Variants in CCBE1 observed in about 807,000 individuals in gnomAD.
CCBE1 encodes collagen and calcium binding EGF domains 1.
Under a neutral mutation model 50.0 loss-of-function variants are expected in CCBE1, and 37 were observed. That is an observed-to-expected ratio of 0.74 (90% CI 0.57 to 0.97). The LOEUF (loss-of-function observed/expected upper bound fraction) is 0.97. Ranked by LOEUF, CCBE1 falls within the 50% of genes least tolerant of loss-of-function variation. The pLI is 0.00. For synonymous variants in CCBE1, 234 were observed against 203.7 expected (o/e 1.15, Z -1.27); for missense variants, 538 against 523.8 (o/e 1.03, Z -0.26).
At position 59,436,268 on chromosome 18, in the gene CCBE1, T is replaced by C. The variant is rs544810281; in HGVS notation, c.988-127A>G. 1.4e-4 allele frequency: 114 copies of C among 801,444 alleles called. No homozygotes were observed. The South Asian group carries it at 1.5e-3, about 11-fold the overall frequency. The allele number at this position is 801,444 out of a possible 1,614,324, so 49.6% of individuals were successfully genotyped here. A position where few individuals can be genotyped will look rare whatever the true frequency, so the allele number is the denominator to read the frequency against. On this transcript the variant is annotated intron_variant, in intron 10 of 10. Coordinates refer to ENST00000439986, the MANE Select transcript of CCBE1 (RefSeq NM_133459.4). Reference sequence around the variant, plus strand: ...AACTCTGTGCCCCAAATGGAGCCAATGTGAGGACTGCTACAGGAGCCTGGG... The same window carrying C: ...AACTCTGTGCCCCAAATGGAGCCAACGTGAGGACTGCTACAGGAGCCTGGG...
intron 7 of CCBE1, among the ~76,000 whole-genome samples, chr18:59,441,877 A>T (rs1211393661): frequency 6.6e-6 from 1 of 152,200 alleles, no homozygotes; most frequent in African/African-American, 2.4e-5. Context: ...CATCTAACAT[A>T]AGTGTAATTG....
At chr18:59,503,419 G>T (rs1258362090) in intron 2 of CCBE1, among the ~76,000 whole-genome samples, 2 of 152,180 alleles carry the variant, frequency 1.3e-5, no homozygotes, top group Admixed American at 6.5e-5. Flanking sequence ...AACATGGCCT[G>T]GTCACACAAC....
intron 10 of CCBE1, 57 bp from the exon 11 acceptor site, chr18:59,436,198 G>T: frequency 2.0e-6 from 3 of 1,491,786 alleles, no homozygotes; most frequent in Non-Finnish European, 2.8e-6. Flanking sequence ...GGCCTCCGGG[G>T]CTCCATGACT....
chr18:59,541,372 A>T (rs1049608397), intron 2 of CCBE1, among the ~76,000 whole-genome samples: 5 of 152,236 alleles, frequency 3.3e-5, no homozygotes, highest in African/African-American at 9.6e-5. Flanking sequence ...TACCAAACAT[A>T]GGCAAAAAAT....
At chr18:59,514,593 T>G (rs1914282748) in intron 2 of CCBE1, among the ~76,000 whole-genome samples, 1 of 149,986 alleles carries the variant, frequency 6.7e-6, no homozygotes, top group Admixed American at 6.7e-5. Flanking sequence ...CAGACTTCCT[T>G]TGGGGAATTT....
At chr18:59,458,182 ATCCATCTTCCCATCCAT>A (rs371639385) in intron 5 of CCBE1, among the ~76,000 whole-genome samples, 99 of 152,028 alleles carry the variant, frequency 6.5e-4, no homozygotes, top group African/African-American at 2.2e-3. Flanking sequence ...CCATCCTTCC[ATCCATCTTCCCATCCAT>A]TCCATCTTCC....
intron 2 of CCBE1, among the ~76,000 whole-genome samples, chr18:59,588,668 C>A (rs1243483409): frequency 6.6e-6 from 1 of 152,236 alleles, no homozygotes; most frequent in Admixed American, 6.5e-5. Context: ...CCCCTGGTAG[C>A]TCTAGCAATG....
intron 2 of CCBE1, among the ~76,000 whole-genome samples, chr18:59,483,199 T>C (rs1912659125): frequency 6.6e-6 from 1 of 152,070 alleles, no homozygotes; most frequent in Non-Finnish European, 1.5e-5. Flanking sequence ...ACATAAGGTC[T>C]TCTAAGAATT....
intron 2 of CCBE1, among the ~76,000 whole-genome samples, chr18:59,542,043 G>A (rs1915487381): frequency 6.6e-6 from 1 of 151,888 alleles, no homozygotes; most frequent in Non-Finnish European, 1.5e-5. Context: ...GGGTATGGTA[G>A]CACGTCTGTA....
At chr18:59,633,798 G>A (rs2053882850) in intron 2 of CCBE1, among the ~76,000 whole-genome samples, 2 of 151,536 alleles carry the variant, frequency 1.3e-5, no homozygotes, top group South Asian at 4.2e-4. Context: ...TTATCTTATG[G>A]TATCAACATT....
At chr18:59,523,703 A>C (rs1914701187) in intron 2 of CCBE1, among the ~76,000 whole-genome samples, 1 of 152,146 alleles carries the variant, frequency 6.6e-6, no homozygotes, top group Non-Finnish European at 1.5e-5. Context: ...AGGGTTGGAT[A>C]ATGTTAAACG....
intron 3 of CCBE1, among the ~76,000 whole-genome samples, chr18:59,472,251 CTT>C (rs775754291): frequency 1.1e-4 from 17 of 152,222 alleles, no homozygotes; most frequent in Non-Finnish European, 2.1e-4. Context: ...AGTATCTTCT[CTT>C]TGTTTCCCTA....
chr18:59,553,381 A>G (rs1915997584), intron 2 of CCBE1, among the ~76,000 whole-genome samples: 1 of 152,210 alleles, frequency 6.6e-6, no homozygotes, highest in South Asian at 2.1e-4. Flanking sequence ...AGGTTGTTAC[A>G]GTCATGCACA....
chr18:59,503,981 A>G (rs1568175264), intron 2 of CCBE1, among the ~76,000 whole-genome samples: 1 of 151,900 alleles, frequency 6.6e-6, no homozygotes, highest in Non-Finnish European at 1.5e-5. Flanking sequence ...CCGGCTGTGA[A>G]CTCCTAGAAG....
chr18:59,469,328 G>C (rs1192238019), intron 4 of CCBE1, 145 bp downstream of exon 4: 1 of 1,133,402 alleles, frequency 8.8e-7, no homozygotes, highest in Admixed American at 1.7e-5. Flanking sequence ...TAATTGTGAT[G>C]AAGGGCAGTG....
rs538393104 is a variant in CCBE1, at chr18:59,496,675, G to A, written c.213-16437C>T. ...TACCATTCACTCTGTTTGTGATGAA[G>A]AACTCGGAGACTCAGGCAGTCCAGG... On this transcript the variant is annotated intron_variant, in intron 2 of 10. Transcript: ENST00000439986. Among the ~76,000 whole-genome samples the A allele has an allele frequency of 1.2e-3, 189 of 152,310 alleles. 2 individuals are homozygous for A. The Middle Eastern group carries it at 0.02, about 16-fold the overall frequency.
intron 2 of CCBE1, among the ~76,000 whole-genome samples, chr18:59,599,480 G>T (rs189341231): frequency 1.3e-5 from 2 of 152,262 alleles, no homozygotes; most frequent in African/African-American, 2.4e-5. Flanking sequence ...CTCTTCTGTT[G>T]CAGCTCATTT....
At chr18:59,656,728 T>C (rs2054195312) in intron 2 of CCBE1, among the ~76,000 whole-genome samples, 1 of 152,214 alleles carries the variant, frequency 6.6e-6, no homozygotes, top group Non-Finnish European at 1.5e-5. Flanking sequence ...ACTTATTTTG[T>C]CTAAAGAGCA....
At chr18:59,516,794 A>T (rs1312707175) in intron 2 of CCBE1, among the ~76,000 whole-genome samples, 2 of 152,226 alleles carry the variant, frequency 1.3e-5, no homozygotes, top group African/African-American at 4.8e-5. Context: ...CGGCCAGAAC[A>T]TCACAGCAAA....
Sources: allele counts gnomAD v4.1 joint callset (sites outside exome capture counted in the v4.1 genomes callset), GRCh38; gene constraint gnomAD v4.1.1; transcripts MANE v1.5; gene names NCBI Gene and HGNC (gene_info 2026-07-23, HGNC 2026-07-21).